The following TRMT11 variants were observed in gnomAD, a reference collection of about 807,000 sequenced individuals.
The protein encoded by TRMT11 is tRNA (guanine(10)-N(2))-methyltransferase TRMT11.
A neutral mutation model predicts 62.8 loss-of-function variants in TRMT11; 53 were observed. The ratio of observed to expected loss-of-function variants is 0.84; its 90% CI spans 0.68 to 1.06. TRMT11 has a LOEUF of 1.06. TRMT11 is among the 50% of genes least tolerant of loss of function. TRMT11 has a pLI of 0.00. For synonymous variants in TRMT11, 188 were observed against 190.3 expected (o/e 0.99, Z 0.10); for missense variants, 556 against 553.4 (o/e 1.00, Z -0.05).
intron 17 of TRMT11, among the ~76,000 whole-genome samples, chr6:126,072,266 C>T (rs1424195033): frequency 6.6e-6 from 1 of 152,148 alleles, no homozygotes; most frequent in Admixed American, 6.6e-5. Context: ...TAATGCTGCC[C>T]TTTAGCATAA....
At chr6:126,087,666 A>G (rs1162252574) in intron 17 of TRMT11, among the ~76,000 whole-genome samples, 1 of 152,244 alleles carries the variant, frequency 6.6e-6, no homozygotes, top group African/African-American at 2.4e-5. Flanking sequence ...TGAAGAAAGG[A>G]GAGCCTTGTA....
chr6:126,240,235 T>A, the TRMT11 span, among the ~76,000 whole-genome samples: 1 of 152,244 alleles, frequency 6.6e-6, no homozygotes, highest in African/African-American at 2.4e-5. Context: ...CATCCAGCTT[T>A]GTTCCGTTGC....
intron 17 of TRMT11, among the ~76,000 whole-genome samples, chr6:126,103,211 C>T (rs1254066153): frequency 3.9e-5 from 6 of 152,208 alleles, no homozygotes; most frequent in Non-Finnish European, 8.8e-5. Flanking sequence ...TGGTCCTACG[C>T]TAATTCTCAT....
chr6:126,088,876 A>G (rs1777243123), intron 17 of TRMT11, among the ~76,000 whole-genome samples: 1 of 152,168 alleles, frequency 6.6e-6, no homozygotes, highest in Non-Finnish European at 1.5e-5. Context: ...CAAATCCCAA[A>G]CTGTTTTCAT....
At chr6:126,255,457 G>C in the TRMT11 span, among the ~76,000 whole-genome samples, 1 of 152,026 alleles carries the variant, frequency 6.6e-6, no homozygotes, top group Non-Finnish European at 1.5e-5. Context: ...TAGTCATCTG[G>C]CTTGGTATTT....
At chr6:126,104,094 A>G (rs1397793525) in intron 17 of TRMT11, among the ~76,000 whole-genome samples, 1 of 152,256 alleles carries the variant, frequency 6.6e-6, no homozygotes, top group Admixed American at 6.5e-5. Context: ...TCCTTGTTTC[A>G]ACTACTAAAT....
the TRMT11 span, among the ~76,000 whole-genome samples, chr6:126,263,468 C>T: frequency 6.6e-6 from 1 of 152,128 alleles, no homozygotes; most frequent in Non-Finnish European, 1.5e-5. Context: ...AAAATCTCCA[C>T]AAAAACATGC....
chr6:126,122,494 C>T (rs1777661565), intron 21 of TRMT11, among the ~76,000 whole-genome samples: 1 of 152,016 alleles, frequency 6.6e-6, no homozygotes, highest in Non-Finnish European at 1.5e-5. Flanking sequence ...AAGAACTGAC[C>T]ATAAAGAAAT....
chr6:126,054,545 A>G (rs1284120372), intron 17 of TRMT11, among the ~76,000 whole-genome samples: 1 of 152,180 alleles, frequency 6.6e-6, no homozygotes, highest in African/African-American at 2.4e-5. Flanking sequence ...CGCTCTTCAC[A>G]CAGTGCTGAC....
chr6:126,045,078 C>G (rs1776009522), intron 16 of TRMT11, among the ~76,000 whole-genome samples: 2 of 151,938 alleles, frequency 1.3e-5, no homozygotes, highest in Non-Finnish European at 2.9e-5. Context: ...ATCCCAGCTA[C>G]TCTGGAGGCT....
chr6:126,173,068 G>A (rs964209425), upstream of TRMT11, among the ~76,000 whole-genome samples: 17 of 152,064 alleles, frequency 1.1e-4, no homozygotes, highest in Admixed American at 8.5e-4. Flanking sequence ...ACATGTTTTC[G>A]GAGCACCTAC....
At chr6:126,060,342 C>T (rs1395029641) in intron 17 of TRMT11, among the ~76,000 whole-genome samples, 1 of 152,160 alleles carries the variant, frequency 6.6e-6, no homozygotes. Flanking sequence ...AATAATGTTT[C>T]GCCTCAGAAT....
At chr6:126,015,618 C>G (rs1794888507) in intron 11 of TRMT11, among the ~76,000 whole-genome samples, 1 of 152,178 alleles carries the variant, frequency 6.6e-6, no homozygotes, top group South Asian at 2.1e-4. Flanking sequence ...ACATTCCTAT[C>G]TAACCATGAT....
intron 21 of TRMT11, among the ~76,000 whole-genome samples, chr6:126,127,503 A>G (rs1394251488): frequency 1.3e-5 from 2 of 151,054 alleles, no homozygotes; most frequent in African/African-American, 4.9e-5. Context: ...TTTTAATTAT[A>G]CTTTAAGTTT....
intron 21 of TRMT11, among the ~76,000 whole-genome samples, chr6:126,137,694 A>G (rs1202021227): frequency 6.6e-6 from 1 of 151,966 alleles, no homozygotes. Context: ...AGTATTTGCA[A>G]TAGCCAAGAT....
chr6:126,153,448 T>C (rs1283798549), intron 21 of TRMT11, among the ~76,000 whole-genome samples: 1 of 152,226 alleles, frequency 6.6e-6, no homozygotes, highest in Non-Finnish European at 1.5e-5. Context: ...AGTTTCAAGA[T>C]TTTTATAAAA....
chr6:126,236,242 C>T, the TRMT11 span, among the ~76,000 whole-genome samples: 3 of 152,194 alleles, frequency 2.0e-5, no homozygotes, highest in African/African-American at 7.2e-5. Flanking sequence ...CACTATCTTG[C>T]TTGGTTTTAA....
At chr6:126,136,202 T>C (rs1777847679) in intron 21 of TRMT11, among the ~76,000 whole-genome samples, 2 of 151,136 alleles carry the variant, frequency 1.3e-5, no homozygotes, top group Admixed American at 1.3e-4. Flanking sequence ...AAATTATTAT[T>C]ATTTTTTTTT....
chr6:126,267,917 A>G, the TRMT11 span, among the ~76,000 whole-genome samples: 2 of 151,830 alleles, frequency 1.3e-5, no homozygotes, highest in South Asian at 2.1e-4. Context: ...ATTTAGAACC[A>G]TAATGTCAAA....
Sources: allele counts gnomAD v4.1 joint callset (sites outside exome capture counted in the v4.1 genomes callset), GRCh38; gene constraint gnomAD v4.1.1; transcripts MANE v1.5; gene names NCBI Gene and HGNC (gene_info 2026-07-23, HGNC 2026-07-21).